Variants in AXDND1 observed in about 807,000 individuals in gnomAD.
AXDND1 encodes axonemal dynein light chain domain containing 1, also known as axonemal dynein light chain domain-containing protein 1.
In AXDND1, 110 loss-of-function variants were observed where a neutral mutation model predicts 137.5. The ratio of observed to expected loss-of-function variants is 0.80; its 90% CI spans 0.69 to 0.94. The LOEUF is 0.94. AXDND1 is among the 40% of genes least tolerant of loss of function. The pLI is 0.00. For missense variants in AXDND1, 1,191 were observed against 1,169.8 expected, an observed-to-expected ratio of 1.02 and a Z score of -0.26; for synonymous variants, 414 against 399.7, an observed-to-expected ratio of 1.04 and a Z score of -0.43.
chr1:179,521,020 G>T (rs536932648), intron 21 of AXDND1, among the ~76,000 whole-genome samples: 1 of 151,448 alleles, frequency 6.6e-6, no homozygotes, highest in African/African-American at 2.4e-5. Flanking sequence ...GGAGTTCAGC[G>T]GTCCAGTTAT....
intron 20 of AXDND1, among the ~76,000 whole-genome samples, chr1:179,499,629 CA>C (rs1329689294): frequency 2.6e-5 from 4 of 152,074 alleles, no homozygotes; most frequent in African/African-American, 9.7e-5. Flanking sequence ...ATGGGTGTAT[CA>C]TATGTTTTTG....
intron 12 of AXDND1, among the ~76,000 whole-genome samples, chr1:179,426,874 C>T (rs1442910893): frequency 6.6e-6 from 1 of 151,960 alleles, no homozygotes; most frequent in East Asian, 1.9e-4. Flanking sequence ...ATATAAATAA[C>T]TATGTGGCCA....
chr1:179,436,352 A>G (rs184061932), intron 15 of AXDND1, among the ~76,000 whole-genome samples: 86 of 152,308 alleles, frequency 5.6e-4, no homozygotes, highest in African/African-American at 1.5e-3. Context: ...TATATACCCA[A>G]AGGAAGATAA....
At chr1:179,453,924 A>G (rs1298582154) in intron 16 of AXDND1, 1 of 151,682 alleles carries the variant, frequency 6.6e-6, no homozygotes, top group Non-Finnish European at 1.5e-5. Flanking sequence ...CAATGCCTGT[A>G]CCCCCTTCGT....
At chr1:179,473,020 T>C (rs1664152957) in intron 17 of AXDND1, among the ~76,000 whole-genome samples, 1 of 152,112 alleles carries the variant, frequency 6.6e-6, no homozygotes, top group African/African-American at 2.4e-5. Context: ...ATTGACATGG[T>C]TGGATTTACC....
At chr1:179,478,527 C>A (rs192822335) in intron 17 of AXDND1, among the ~76,000 whole-genome samples, 1 of 152,206 alleles carries the variant, frequency 6.6e-6, no homozygotes, top group Non-Finnish European at 1.5e-5. Context: ...GCTGGAGCAG[C>A]TGGGATGCAG....
chr1:179,542,388 C>G (rs929205378), intron 25 of AXDND1, among the ~76,000 whole-genome samples: 1 of 152,182 alleles, frequency 6.6e-6, no homozygotes, highest in Non-Finnish European at 1.5e-5. Context: ...CTCGCAGCCC[C>G]TGGCCCTAGG....
intron 14 of AXDND1, 104 bp downstream of exon 14, chr1:179,430,710 C>T: frequency 1.5e-6 from 2 of 1,303,976 alleles, no homozygotes; most frequent in Non-Finnish European, 2.1e-6. Flanking sequence ...ATCACTCTAA[C>T]ATTGATTTTG....
chr1:179,387,483 C>T (rs904729677), intron 9 of AXDND1, among the ~76,000 whole-genome samples: 3 of 152,222 alleles, frequency 2.0e-5, no homozygotes, highest in African/African-American at 7.2e-5. Flanking sequence ...CCTCTTAATA[C>T]TGTTATAATA....
intron 21 of AXDND1, among the ~76,000 whole-genome samples, chr1:179,523,992 TAGAATA>T: frequency 6.6e-6 from 1 of 152,288 alleles, no homozygotes; most frequent in South Asian, 2.1e-4. Context: ...TTACTTTACT[TAGAATA>T]ACAGTCTCCA....
At chr1:179,455,121 A>T (rs1285635661) in intron 16 of AXDND1, 1 of 148,212 alleles carries the variant, frequency 6.7e-6, no homozygotes, top group African/African-American at 2.6e-5. Flanking sequence ...AAAAAGAAAA[A>T]AATTAGCGCT....
At chr1:179,456,776 C>A (rs1661468740) in intron 16 of AXDND1, 11 of 783,634 alleles carry the variant, frequency 1.4e-5, no homozygotes, top group Non-Finnish European at 2.5e-5. Flanking sequence ...TGGATGAAGC[C>A]CTAGCCATCT....
chr1:179,382,444 T>TTC (rs1484409163), intron 6 of AXDND1, among the ~76,000 whole-genome samples: 1 of 152,212 alleles, frequency 6.6e-6, no homozygotes, highest in Non-Finnish European at 1.5e-5. Flanking sequence ...CCTTTGAGCT[T>TTC]TCTCTTGTGT....
Position 179,491,740 on chromosome 1 carries a change from G to A in AXDND1, c.2291+3G>A. On this transcript the variant is annotated splice_donor_region_variant and intron_variant, in intron 19 of 25. Transcript: ENST00000367618. ...CAATACTCCAGCTATTTGAGCAGGT[G>A]AAGCGGTTATTTTATTGTTGCCCTT... 6.5e-7 allele frequency: 1 copy of A among 1,537,178 alleles called. No individual in the cohort carries two copies. Among genetic ancestry groups the A allele is most frequent in the Non-Finnish European group, 8.7e-7 (1 of 1,145,474 alleles).
At chr1:179,435,244 T>C (rs935942022) in intron 15 of AXDND1, among the ~76,000 whole-genome samples, 10 of 152,150 alleles carry the variant, frequency 6.6e-5, no homozygotes. Context: ...GAAAAATCAA[T>C]ATTGCGAAAA....
At chr1:179,514,998 G>C (rs1669398342) in intron 21 of AXDND1, among the ~76,000 whole-genome samples, 1 of 152,106 alleles carries the variant, frequency 6.6e-6, no homozygotes, top group Non-Finnish European at 1.5e-5. Context: ...TGGTTGGTGA[G>C]TTCTTATCCA....
chr1:179,542,962 G>A (rs1302859311), intron 25 of AXDND1, among the ~76,000 whole-genome samples: 1 of 152,158 alleles, frequency 6.6e-6, no homozygotes, highest in Non-Finnish European at 1.5e-5. Flanking sequence ...TGCCCTGCAA[G>A]GGACCTAAAC....
chr1:179,402,547 CCT>C (rs1186469832), intron 11 of AXDND1, among the ~76,000 whole-genome samples: 2 of 152,128 alleles, frequency 1.3e-5, no homozygotes, highest in Non-Finnish European at 1.5e-5. Context: ...TTTCATATCC[CCT>C]GTTACTTACT....
intron 9 of AXDND1, among the ~76,000 whole-genome samples, chr1:179,387,738 A>G (rs1558105563): frequency 6.6e-6 from 1 of 152,240 alleles, no homozygotes; most frequent in Non-Finnish European, 1.5e-5. Context: ...TACCAAGACA[A>G]AACTTTTCTG....
Sources: allele counts gnomAD v4.1 joint callset (sites outside exome capture counted in the v4.1 genomes callset), GRCh38; gene constraint gnomAD v4.1.1; transcripts MANE v1.5; gene names NCBI Gene and HGNC (gene_info 2026-07-23, HGNC 2026-07-21).